The following ATP13A4 variants were observed in gnomAD, a reference collection of about 807,000 sequenced individuals.
ATP13A4 encodes ATPase 13A4, also known as probable cation-transporting ATPase 13A4.
ATP13A4 carries 114 observed loss-of-function variants against 142.5 expected under a neutral mutation model. The observed-to-expected ratio is 0.80, with a 90% CI of 0.69 to 0.93. The LOEUF (loss-of-function observed/expected upper bound fraction) is 0.93. Ranked by LOEUF, ATP13A4 falls within the 40% of genes least tolerant of loss-of-function variation. The probability of loss-of-function intolerance (pLI) is 0.00; values close to 1 mark genes in which losing one functional copy is unlikely to be tolerated. For synonymous variants in ATP13A4, 488 were observed against 514.8 expected (o/e 0.95, Z 0.70); for missense variants, 1,392 against 1,454.0 (o/e 0.96, Z 0.69).
chr3:193,510,318 C>A (rs1486078658), intron 2 of ATP13A4, among the ~76,000 whole-genome samples: 2 of 152,134 alleles, frequency 1.3e-5, no homozygotes, highest in Non-Finnish European at 2.9e-5. Context: ...AAAATACTCC[C>A]CATTAAAACA....
At chr3:193,477,649 G>A (rs527579269) in intron 8 of ATP13A4, among the ~76,000 whole-genome samples, 16 of 152,138 alleles carry the variant, frequency 1.1e-4, no homozygotes, top group African/African-American at 2.7e-4. Flanking sequence ...CATTTGCCAC[G>A]CTTACTGTCT....
chr3:193,584,106 A>C (rs1181532906), intron 1 of ATP13A4, among the ~76,000 whole-genome samples: 1 of 152,234 alleles, frequency 6.6e-6, no homozygotes, highest in African/African-American at 2.4e-5. Context: ...AGAAGTCTGA[A>C]TCCTAATCAG....
chr3:193,485,472 G>A (rs968263556), intron 7 of ATP13A4, among the ~76,000 whole-genome samples: 1 of 152,066 alleles, frequency 6.6e-6, no homozygotes, highest in Non-Finnish European at 1.5e-5. Context: ...TCTTATTCTC[G>A]CACAAGTGTA....
chr3:193,457,553 C>A, intron 14 of ATP13A4, 88 bp from the exon 15 acceptor site: 1 of 1,145,856 alleles, frequency 8.7e-7, no homozygotes, highest in Non-Finnish European at 1.3e-6. Flanking sequence ...TTGAGAAGAT[C>A]CTCAGACCAC....
At position 193,584,423 on chromosome 3, in the gene ATP13A4, T is replaced by C. The variant is rs78207125; in HGVS notation, n.92-2517A>G. Among the ~76,000 whole-genome samples, 867 of 152,304 alleles carry C rather than the reference T, an allele frequency of 5.7e-3. 10 individuals are homozygous for C. The highest frequency in any genetic ancestry group is 0.02 in the African/African-American group (811 of 41,554). ...TTCTTATTTCTGACCTTCAGAACTA[T>C]AAGATAATAAATTTGTTCTGTTTTA... is the stretch of plus-strand genomic sequence containing the variant. On this transcript the variant is annotated intron_variant and non_coding_transcript_variant, in intron 1 of 3. Transcript: ENST00000489140.
intron 25 of ATP13A4, among the ~76,000 whole-genome samples, chr3:193,431,495 G>A (rs930671479): frequency 2.6e-5 from 4 of 151,830 alleles, no homozygotes; most frequent in East Asian, 1.9e-4. Flanking sequence ...AAAAGACAGC[G>A]GATCCAAGAA....
intron 18 of ATP13A4, among the ~76,000 whole-genome samples, chr3:193,446,721 C>T (rs2171849): frequency 0.73 from 111,525 of 151,994 alleles, 41,165 homozygotes; most frequent in Admixed American, 0.77. Flanking sequence ...TTTCTAAAAG[C>T]GCTGTCCATG....
chr3:193,559,829 G>A (rs185859289), upstream of ATP13A4, among the ~76,000 whole-genome samples: 39 of 152,264 alleles, frequency 2.6e-4, no homozygotes, highest in Admixed American at 2.5e-3. Flanking sequence ...GCTGCTCTCT[G>A]GAGGTAAGGC....
chr3:193,496,077 A>G (rs1197026519), intron 3 of ATP13A4, among the ~76,000 whole-genome samples: 1 of 152,244 alleles, frequency 6.6e-6, no homozygotes, highest in Non-Finnish European at 1.5e-5. Flanking sequence ...GAAGAAGACA[A>G]AAATAATTGA....
intron 2 of ATP13A4, among the ~76,000 whole-genome samples, chr3:193,577,128 T>A (rs1040053877): frequency 2.0e-5 from 3 of 152,192 alleles, no homozygotes; most frequent in African/African-American, 4.8e-5. Context: ...CTTCCACCTA[T>A]AACCAACACC....
rs1720611308 is a variant in ATP13A4, at chr3:193,502,558, C to A, written c.316G>T (p.Asp106Tyr). The A allele has an allele frequency of 1.9e-6, 3 of 1,613,702 alleles. No individual in the cohort carries two copies. The highest frequency in any genetic ancestry group is 2.5e-6 in the Non-Finnish European group (3 of 1,179,796). ...TCCTCATCTGTCATGAGAGGGTGGTCAGGAGTGAGACCAAATGCGCTGTTT... is the reference window on the plus strand; with the variant it reads ...TCCTCATCTGTCATGAGAGGGTGGTAAGGAGTGAGACCAAATGCGCTGTTT... ...ALNSAFGLTP[D>Y]HPLMTDEEYI... is the part of the protein sequence containing the mutation. Residue 106 changes from aspartate to tyrosine, a missense_variant, in exon 3 of 30, where the codon GAC (aspartate) becomes TAC (tyrosine). By Grantham distance (160) the Asp-to-Tyr change is radical. Coordinates refer to ENST00000342695, the MANE Select transcript of ATP13A4 (RefSeq NM_032279.4).
chr3:193,587,651 A>G (rs917077620), intron 1 of ATP13A4, among the ~76,000 whole-genome samples: 1 of 152,058 alleles, frequency 6.6e-6, no homozygotes, highest in Admixed American at 6.5e-5. Flanking sequence ...TCCTTAATTC[A>G]CTATTTCTGG....
chr3:193,488,461 C>T (rs1719762900), intron 7 of ATP13A4, among the ~76,000 whole-genome samples: 1 of 152,172 alleles, frequency 6.6e-6, no homozygotes, highest in Non-Finnish European at 1.5e-5. Context: ...TTTTTATTCA[C>T]ACTCTTTTGT....
intron 17 of ATP13A4, among the ~76,000 whole-genome samples, chr3:193,451,748 C>T (rs531237446): frequency 6.6e-6 from 1 of 152,224 alleles, no homozygotes; most frequent in South Asian, 2.1e-4. Context: ...GGCCAATAAC[C>T]TTTGAAGAGA....
At chr3:193,494,420 T>C (rs1268036342) in intron 3 of ATP13A4, among the ~76,000 whole-genome samples, 1 of 151,970 alleles carries the variant, frequency 6.6e-6, no homozygotes, top group Admixed American at 6.6e-5. Flanking sequence ...ATATCAAGTA[T>C]TTTTTTCTGA....
chr3:193,572,734 A>G (rs563344610), intron 2 of ATP13A4, among the ~76,000 whole-genome samples: 55 of 152,162 alleles, frequency 3.6e-4, no homozygotes, highest in Non-Finnish European at 6.8e-4. Context: ...TGCACCGCTG[A>G]GTGGTCCCTG....
chr3:193,463,405 G>T (rs112604464), intron 12 of ATP13A4, among the ~76,000 whole-genome samples: 3,419 of 100,742 alleles, frequency 0.034, 126 homozygotes, highest in African/African-American at 0.11. Context: ...AGACTCGAAA[G>T]AAATGGTTTG....
chr3:193,489,219 G>A (rs1033134716), intron 7 of ATP13A4, among the ~76,000 whole-genome samples: 1 of 152,046 alleles, frequency 6.6e-6, no homozygotes, highest in African/African-American at 2.4e-5. Context: ...TGGCATTCAC[G>A]GATTTATAGT....
intron 2 of ATP13A4, among the ~76,000 whole-genome samples, chr3:193,581,396 C>T (rs1319688365): frequency 6.6e-6 from 1 of 152,152 alleles, no homozygotes; most frequent in Non-Finnish European, 1.5e-5. Flanking sequence ...AATACTGCCA[C>T]CATGACTAGT....
Sources: gnomAD v4.1 joint callset for allele counts (sites outside exome capture counted in the v4.1 genomes callset) on GRCh38, gnomAD v4.1.1 for gene constraint, MANE v1.5 for transcripts, NCBI Gene and HGNC (gene_info 2026-07-23, HGNC 2026-07-21) for gene names.